Variants in SUN1 observed in about 807,000 individuals in gnomAD.
The protein encoded by SUN1 is Sad1 and UNC84 domain containing 1, also known as SUN domain-containing protein 1.
In SUN1, 61 loss-of-function variants were observed where a neutral mutation model predicts 103.2. That is an observed-to-expected ratio of 0.59 (90% CI 0.48 to 0.73). The LOEUF (loss-of-function observed/expected upper bound fraction) is 0.73. Among genes scored for constraint, SUN1 ranks in the 30% least tolerant of loss-of-function variants. The pLI is 0.00. For synonymous variants in SUN1, 490 were observed against 425.7 expected (o/e 1.15, Z -1.86); for missense variants, 1,052 against 1,034.6 (o/e 1.02, Z -0.23).
intron 11 of SUN1, 48 bp downstream of exon 11, chr7:855,054 C>T (rs747179855): frequency 1.4e-6 from 2 of 1,407,104 alleles, no homozygotes; most frequent in Non-Finnish European, 2.0e-6. Flanking sequence ...AGAAAATCAA[C>T]TATGGCTAAT....
intron 5 of SUN1, among the ~76,000 whole-genome samples, chr7:845,875 G>A (rs994790269): frequency 4.6e-5 from 7 of 152,224 alleles, no homozygotes; most frequent in Non-Finnish European, 1.0e-4. Flanking sequence ...TAACGTGTGC[G>A]GCTTGGGAGT....
chr7:826,581 G>A (rs1792236932), intron 1 of SUN1, among the ~76,000 whole-genome samples: 1 of 152,224 alleles, frequency 6.6e-6, no homozygotes, highest in South Asian at 2.1e-4. Context: ...TCCCCCCGTG[G>A]ATCAGTGATA....
At chr7:837,969 C>T (rs1251316230) in intron 1 of SUN1, among the ~76,000 whole-genome samples, 2 of 152,266 alleles carry the variant, frequency 1.3e-5, no homozygotes, top group African/African-American at 2.4e-5. Flanking sequence ...CAGTCTCTCT[C>T]TTGTCCCCAC....
At chr7:856,802 G>A (rs1827855449) in intron 12 of SUN1, among the ~76,000 whole-genome samples, 1 of 152,212 alleles carries the variant, frequency 6.6e-6, no homozygotes, top group Admixed American at 6.5e-5. Context: ...GCATCTAGGT[G>A]GGCGGGGTTA....
At chr7:849,485 G>A in intron 5 of SUN1, 2 of 1,339,954 alleles carry the variant, frequency 1.5e-6, no homozygotes, top group Non-Finnish European at 2.0e-6. Flanking sequence ...CTTGGCGTCG[G>A]TGAGTTCCCT....
At chr7:851,815 C>G (rs528449008) in intron 6 of SUN1, 135 bp from the exon 7 acceptor site, 3 of 853,766 alleles carry the variant, frequency 3.5e-6, no homozygotes, top group African/African-American at 3.4e-5. Context: ...GCCGTGGCGA[C>G]TAGCATCACC....
In SUN1 at chr7:860,108, T is replaced by C; in HGVS notation, c.1525-20T>C. On this transcript the variant is annotated intron_variant, in intron 13 of 18. Coordinates refer to ENST00000401592, the MANE Select transcript of SUN1 (RefSeq NM_001130965.3). Reference sequence around the variant, plus strand: ...ATTTAGTTAAAATAGGACATTTGTGTCCGTCTGCTGTTTTACTAGGTGGAC... The same window carrying C: ...ATTTAGTTAAAATAGGACATTTGTGCCCGTCTGCTGTTTTACTAGGTGGAC... The C allele has an allele frequency of 6.2e-7, 1 of 1,611,244 alleles. No homozygotes were observed. Among genetic ancestry groups the C allele is most frequent in the Non-Finnish European group, 8.5e-7 (1 of 1,177,886 alleles).
intron 1 of SUN1, among the ~76,000 whole-genome samples, chr7:819,387 C>A (rs1369510162): frequency 6.6e-6 from 1 of 152,060 alleles, no homozygotes; most frequent in South Asian, 2.1e-4. Flanking sequence ...GTTGCTCATG[C>A]TTTTGATGTC....
upstream of SUN1, chr7:831,138 A>G (rs1338199091): frequency 1.9e-6 from 1 of 517,452 alleles, no homozygotes; most frequent in Non-Finnish European, 2.5e-6. Context: ...GATCACAGTT[A>G]GTTTTATTTG....
At chr7:827,467 T>G (rs1025501189) in intron 1 of SUN1, among the ~76,000 whole-genome samples, 12 of 118,312 alleles carry the variant, frequency 1.0e-4, no homozygotes, top group African/African-American at 4.1e-4. Context: ...CTAAAGTCCG[T>G]TTTTTTTTTT....
At chr7:855,212 C>T (rs1052941056) in intron 11 of SUN1, among the ~76,000 whole-genome samples, 9 of 152,190 alleles carry the variant, frequency 5.9e-5, no homozygotes, top group Non-Finnish European at 8.8e-5. Flanking sequence ...CACGCATCCC[C>T]GTGTCTCTCG....
chr7:844,138 C>T (rs777426372), intron 5 of SUN1, among the ~76,000 whole-genome samples: 3 of 152,226 alleles, frequency 2.0e-5, no homozygotes, highest in South Asian at 4.1e-4. Flanking sequence ...TCCTCCTGGG[C>T]CTGCAGGAGA....
At chr7:857,726 A>G in intron 12 of SUN1, 102 bp from the exon 13 acceptor site, 2 of 1,398,594 alleles carry the variant, frequency 1.4e-6, no homozygotes, top group Non-Finnish European at 1.9e-6. Flanking sequence ...TACAGTTGTG[A>G]CACCCAGGAG....
chr7:850,135 TA>T, intron 5 of SUN1: 1 of 1,086,002 alleles, frequency 9.2e-7, no homozygotes, highest in Non-Finnish European at 1.3e-6. Flanking sequence ...AGTCTTGCTG[TA>T]AAAACTGACA....
chr7:849,030 C>T (rs1033477501), intron 5 of SUN1, among the ~76,000 whole-genome samples: 3 of 152,058 alleles, frequency 2.0e-5, no homozygotes, highest in Admixed American at 1.3e-4. Context: ...CGGCTCACCG[C>T]AACCTCCGCC....
chr7:817,477 C>A (rs1781854978), intron 1 of SUN1: 1 of 1,535,904 alleles, frequency 6.5e-7, no homozygotes, highest in South Asian at 1.2e-5. Flanking sequence ...TTTCTCCCGG[C>A]TCCCCAGGGC....
At chr7:866,203 G>A in intron 16 of SUN1, 136 bp downstream of exon 16, 2 of 739,524 alleles carry the variant, frequency 2.7e-6, no homozygotes, top group South Asian at 1.7e-5. Context: ...AGAAGTGGCA[G>A]CGTTCCCACA....
At chr7:846,001 G>T (rs746119093) in intron 5 of SUN1, among the ~76,000 whole-genome samples, 1 of 152,154 alleles carries the variant, frequency 6.6e-6, no homozygotes, top group Non-Finnish European at 1.5e-5. Flanking sequence ...TTCTGGCTTT[G>T]TCTTTCCTGA....
rs1010299313 is a variant in SUN1, at chr7:852,968, G to A, written c.1053+16G>A. ...GCCTCTGCAGGTAAGAGGGTAGAAA[G>A]GCCTCTCAGCTGGCACTGCACATGT... On this transcript the variant is annotated intron_variant, in intron 9 of 18. Transcript: ENST00000401592. The A allele has an allele frequency of 6.2e-7, 1 of 1,606,028 alleles. No homozygotes were observed. Among genetic ancestry groups the A allele is most frequent in the East Asian group, 2.2e-5 (1 of 44,790 alleles).
Sources: allele counts gnomAD v4.1 joint callset (sites outside exome capture counted in the v4.1 genomes callset), GRCh38; gene constraint gnomAD v4.1.1; transcripts MANE v1.5; gene names NCBI Gene and HGNC (gene_info 2026-07-23, HGNC 2026-07-21).